The following VPS26C variants were observed in gnomAD, a reference collection of about 807,000 sequenced individuals.
VPS26C encodes VPS26 endosomal protein sorting factor C, also known as vacuolar protein sorting-associated protein 26C.
Under a neutral mutation model 30.6 loss-of-function variants are expected in VPS26C, and 19 were observed. The observed-to-expected ratio is 0.62, with a 90% confidence interval of 0.43 to 0.91. The LOEUF is 0.91. Among genes scored for constraint, VPS26C ranks in the 40% least tolerant of loss-of-function variants. VPS26C has a pLI of 0.00. For missense variants in VPS26C, 318 were observed against 385.1 expected, an observed-to-expected ratio of 0.83 and a Z score of 1.46; for synonymous variants, 132 against 151.5, an observed-to-expected ratio of 0.87 and a Z score of 0.95.
chr21:37,256,814 CT>C (rs1442603779), intron 1 of VPS26C, among the ~76,000 whole-genome samples: 1 of 152,180 alleles, frequency 6.6e-6, no homozygotes, highest in South Asian at 2.1e-4. Flanking sequence ...GTATGACATA[CT>C]TTTTTCTTTT....
At chr21:37,252,298 T>C (rs1022675774) in intron 1 of VPS26C, among the ~76,000 whole-genome samples, 1 of 152,186 alleles carries the variant, frequency 6.6e-6, no homozygotes, top group Non-Finnish European at 1.5e-5. Flanking sequence ...ATCAGAAACA[T>C]TAAAGAGATT....
chr21:37,227,390 G>GT (rs1555929014), intron 7 of VPS26C: 1 of 490,344 alleles, frequency 2.0e-6, no homozygotes, highest in Non-Finnish European at 3.7e-6. Flanking sequence ...ATGTGGGTCT[G>GT]TGTGTTTCCC....
At chr21:37,244,333 G>C (rs1416536937) in intron 1 of VPS26C, among the ~76,000 whole-genome samples, 2 of 152,254 alleles carry the variant, frequency 1.3e-5, no homozygotes, top group Non-Finnish European at 2.9e-5. Flanking sequence ...CGCCTCCTGG[G>C]TTCAAGCAAT....
intron 1 of VPS26C, among the ~76,000 whole-genome samples, chr21:37,242,449 A>T (rs1326596360): frequency 6.6e-6 from 1 of 152,156 alleles, no homozygotes; most frequent in Non-Finnish European, 1.5e-5. Flanking sequence ...AAAAAATTTT[A>T]AAAATTAGCC....
At chr21:37,235,517 T>C (rs2148288242) in intron 3 of VPS26C, among the ~76,000 whole-genome samples, 1 of 152,320 alleles carries the variant, frequency 6.6e-6, no homozygotes, top group East Asian at 1.9e-4. Context: ...AAATGAGTGC[T>C]GAATATACAA....
chr21:37,238,414 G>A (rs1217133975), intron 3 of VPS26C, 46 bp downstream of exon 3: 2 of 1,591,680 alleles, frequency 1.3e-6, no homozygotes, highest in South Asian at 1.1e-5. Context: ...CCGTTTGTCA[G>A]AAGAAAACTT....
intron 1 of VPS26C, chr21:37,261,284 C>T (rs1371721905): frequency 1.3e-5 from 2 of 152,114 alleles, no homozygotes; most frequent in Non-Finnish European, 2.9e-5. Context: ...TTGATGTGAT[C>T]CCATCTGTCC....
At chr21:37,243,939 T>G (rs2148295349) in intron 1 of VPS26C, among the ~76,000 whole-genome samples, 1 of 152,344 alleles carries the variant, frequency 6.6e-6, no homozygotes, top group African/African-American at 2.4e-5. Flanking sequence ...CTGTCCTCTC[T>G]TTGGCTCGAG....
chr21:37,227,865 C>T, intron 6 of VPS26C, 59 bp from the exon 7 acceptor site: 1 of 1,597,548 alleles, frequency 6.3e-7, no homozygotes, highest in Non-Finnish European at 8.5e-7. Context: ...GGGTCCACAT[C>T]CGCACCGGCA....
Position 37,257,727 on chromosome 21 carries a change from G to A in VPS26C, c.57+9511C>T, listed in dbSNP as rs2086258198. ...CCAAGCACGGGCGGAAGAAAGGACT[G>A]GAGGGGAGGGAAAGGGGTGGGGAGC... On this transcript the variant is annotated intron_variant, in intron 1 of 7. Coordinates refer to ENST00000309117, the MANE Select transcript of VPS26C (RefSeq NM_006052.2). This position sits in a 1 kb window ranked among gnomAD's most constrained non-coding sequence, Gnocchi z 4.2. Among the ~76,000 whole-genome samples, 1 of 152,196 alleles carries A rather than the reference G, an allele frequency of 6.6e-6. No individual in the cohort carries two copies. Among genetic ancestry groups the A allele is most frequent in the Non-Finnish European group, 1.5e-5 (1 of 68,036 alleles).
chr21:37,250,617 G>A (rs527385281), intron 1 of VPS26C, among the ~76,000 whole-genome samples: 4 of 22,812 alleles, frequency 1.8e-4, no homozygotes, highest in East Asian at 1.2e-3. Flanking sequence ...AGAAATCAAT[G>A]AAAGGCTGGG....
At chr21:37,260,034 A>G (rs2086288321) in intron 1 of VPS26C, among the ~76,000 whole-genome samples, 2 of 152,198 alleles carry the variant, frequency 1.3e-5, no homozygotes, top group Non-Finnish European at 2.9e-5. Flanking sequence ...TATCATCTCC[A>G]TTCTACAGAT....
intron 1 of VPS26C, among the ~76,000 whole-genome samples, chr21:37,250,182 A>G (rs1056533264): frequency 6.6e-6 from 1 of 152,120 alleles, no homozygotes; most frequent in African/African-American, 2.4e-5. Flanking sequence ...ATACATGCCT[A>G]TAGTCCCAGC....
chr21:37,243,053 G>A (rs1451514406), intron 1 of VPS26C, among the ~76,000 whole-genome samples: 5 of 152,174 alleles, frequency 3.3e-5, no homozygotes, highest in Non-Finnish European at 5.9e-5. Context: ...TTTAGAAACA[G>A]GAGACGGTTT....
chr21:37,232,560 A>C (rs1481144419), intron 4 of VPS26C, 109 bp from the exon 5 acceptor site: 3 of 914,658 alleles, frequency 3.3e-6, no homozygotes, highest in Non-Finnish European at 5.3e-6. Flanking sequence ...CGATGCAGGA[A>C]GGACGGGGAA....
intron 1 of VPS26C, among the ~76,000 whole-genome samples, chr21:37,262,454 A>G (rs866992918): frequency 4.6e-4 from 70 of 152,324 alleles, no homozygotes; most frequent in Middle Eastern, 3.4e-3. Context: ...GCACTTGATC[A>G]TCTTTTTAAT....
chr21:37,227,454 TG>T, intron 7 of VPS26C, 199 bp downstream of exon 7: 1 of 605,502 alleles, frequency 1.7e-6, no homozygotes, highest in Non-Finnish European at 2.9e-6. Flanking sequence ...GTGTGTCCCC[TG>T]TGCGGCACAG....
chr21:37,247,408 A>T (rs74805926), intron 1 of VPS26C, among the ~76,000 whole-genome samples: 20,243 of 152,220 alleles, frequency 0.13, 1,510 homozygotes, highest in East Asian at 0.23. Context: ...ATTAATAAAT[A>T]ATGTCTAAAA....
In VPS26C at chr21:37,238,491, T is replaced by G; in HGVS notation, c.320A>C (p.Glu107Ala). 1 of 1,614,154 alleles carries G rather than the reference T, an allele frequency of 6.2e-7. No homozygotes were observed. The highest frequency in any genetic ancestry group is 8.5e-7 in the Non-Finnish European group (1 of 1,180,026). The change falls in exon 3 of 8, where the codon GAG becomes GCG. Residue 107 changes from glutamate (E) to alanine (A), a missense_variant. Transcript: ENST00000309117. ...LHLKGNKVLY[E>A]TYHGVFVNIQ... ...GTTGACAAACACGCCATGATACGTC[T>G]CATACAGAACTTTGTTACCCTTCAA...
Sources: allele counts gnomAD v4.1 joint callset (sites outside exome capture counted in the v4.1 genomes callset), GRCh38; gene constraint gnomAD v4.1.1; non-coding constraint Gnocchi (gnomAD v3.1); transcripts MANE v1.5; gene names NCBI Gene and HGNC (gene_info 2026-07-23, HGNC 2026-07-21).